The following PROCA1 variants were observed in gnomAD, a reference collection of about 807,000 sequenced individuals.
PROCA1 encodes the protein protein interacting with cyclin A1.
In PROCA1, 22 loss-of-function variants were observed where a neutral mutation model predicts 23.2. The observed-to-expected ratio is 0.95, with a 90% CI of 0.68 to 1.35. The LOEUF is 1.35. PROCA1 is among the 40% of genes most tolerant of loss of function. The probability of loss-of-function intolerance (pLI) is 0.00; values close to 1 mark genes in which losing one functional copy is unlikely to be tolerated. For missense variants in PROCA1, 469 were observed against 459.8 expected, an observed-to-expected ratio of 1.02 and a Z score of -0.18; for synonymous variants, 182 against 179.2, an observed-to-expected ratio of 1.02 and a Z score of -0.12.
At chr17:28,706,545 A>G in intron 2 of PROCA1, 135 bp downstream of exon 2, 3 of 458,276 alleles carry the variant, frequency 6.5e-6, no homozygotes, top group South Asian at 5.5e-5. Flanking sequence ...TCTGTAGGGG[A>G]TGGGTTGAGG....
intron 1 of PROCA1, chr17:28,710,784 G>GAA: frequency 2.2e-5 from 29 of 1,303,648 alleles, no homozygotes; most frequent in Non-Finnish European, 2.8e-5. Context: ...AATGAGGAGG[G>GAA]TGATAGGGTG....
chr17:28,704,524 G>A (rs2032345801), intron 3 of PROCA1, 89 bp from the exon 4 acceptor site: 2 of 1,552,256 alleles, frequency 1.3e-6, no homozygotes, highest in Non-Finnish European at 1.7e-6. Context: ...CTTCCGCTGG[G>A]CCTGCCTCAG....
At chr17:28,711,008 G>GGGAGGGAAGGAGTAGGGCGGGAAA in intron 1 of PROCA1, 1 of 1,214,372 alleles carries the variant, frequency 8.2e-7, no homozygotes, top group South Asian at 1.4e-5. Context: ...AGGGCGGGAA[G>GGGAGGGAAGGAGTAGGGCGGGAAA]GGAGGGAAGA....
chr17:28,710,965 G>C, intron 1 of PROCA1: 2 of 1,194,922 alleles, frequency 1.7e-6, no homozygotes, highest in Non-Finnish European at 2.2e-6. Context: ...CAGAGCAGCC[G>C]AAAGGAGTAG....
intron 2 of PROCA1, chr17:28,706,462 T>C (rs2032478527): frequency 3.9e-6 from 1 of 258,466 alleles, no homozygotes; most frequent in Admixed American, 4.2e-5. Flanking sequence ...ATGTCAAAGA[T>C]ACTTATGTGC....
chr17:28,703,960 C>G lies in PROCA1; in HGVS notation c.693G>C (p.Lys231Asn), dbSNP rs1156251672. 1 of 1,611,106 alleles carries G rather than the reference C, an allele frequency of 6.2e-7. No homozygotes were observed. Among genetic ancestry groups the G allele is most frequent in the African/African-American group, 1.3e-5 (1 of 74,938 alleles). Residue 231 changes from lysine (K) to asparagine (N), a missense_variant, in exon 5 of 5, where the codon AAG becomes AAC. Lys to Asn is a moderately conservative substitution (Grantham distance 94, BLOSUM62 0). Coordinates refer to ENST00000682792, the MANE Select transcript of PROCA1 (RefSeq NM_001366301.1). The part of the protein sequence containing the change: ...ESPTGKGQGS[K>N]VIKKVKKKKE... ...TTTTCTTCTTTACCTTCTTGATCACCTTGCTGCCCTGACCCTTCCCTGTGG... is the reference window on the plus strand; with the variant it reads ...TTTTCTTCTTTACCTTCTTGATCACGTTGCTGCCCTGACCCTTCCCTGTGG...
chr17:28,711,649 C>A lies in PROCA1; in HGVS notation c.12G>T (p.Arg4Ser). Residue 4 changes from arginine to serine, a missense_variant, in exon 1 of 5, where the codon AGG becomes AGT. Transcript: ENST00000682792. Reference sequence around the variant, plus strand: ...TCCATCTTTCAATTGTGAGCGTCGTCCTGACCCACATCGCTCTCCGCCCAG... The same window carrying A: ...TCCATCTTTCAATTGTGAGCGTCGTACTGACCCACATCGCTCTCCGCCCAG... MWVRTTLTIERWTK... is the reference protein window; with the variant it reads MWVSTTLTIERWTK... 2.5e-6 allele frequency: 4 copies of A among 1,612,628 alleles called. No homozygotes were observed. The highest frequency in any genetic ancestry group is 3.4e-6 in the Non-Finnish European group (4 of 1,179,542).
Position 28,704,781 on chromosome 17 carries a change from AGAT to A in PROCA1, c.235_237del (p.Ile79del), listed in dbSNP as rs768286799. 3.0e-5 allele frequency: 49 copies of A among 1,613,852 alleles called. No homozygotes were observed. The highest frequency in any genetic ancestry group is 5.3e-5 in the African/African-American group (4 of 74,926). On this transcript the variant is annotated inframe_deletion, in exon 3 of 5. Coordinates refer to ENST00000682792, the MANE Select transcript of PROCA1 (RefSeq NM_001366301.1). ...CGGACACAGTCAGAGGCGAAAGGGT[AGAT>A]GATGTGCCCAGTGCACTGCTTGTGT...
chr17:28,711,435 G>A (rs536165226), intron 1 of PROCA1, 135 bp downstream of exon 1: 44 of 676,148 alleles, frequency 6.5e-5, no homozygotes, highest in Non-Finnish European at 9.2e-5. Context: ...GCTCCGCCCC[G>A]GCCCAGCACT....
In PROCA1 at chr17:28,704,339, C is replaced by T. The variant is rs368831817; in HGVS notation, c.408G>A (p.Glu136=). ...IESPCFELTP[E]EEHVERFRYG... ...ACCGGAATCGCTCCACATGCTCCTC[C>T]TCCGGTGTGAGCTCAAAGCAAGGGG... Residue 136 remains glutamate, a synonymous_variant, in exon 4 of 5, where the codon GAG becomes GAA. Transcript: ENST00000682792. 22 of 1,614,102 alleles carry T rather than the reference C, an allele frequency of 1.4e-5. No homozygotes were observed. Among genetic ancestry groups the T allele is most frequent in the African/African-American group, 2.7e-5 (2 of 75,064 alleles).
At position 28,704,410 on chromosome 17, in the gene PROCA1, T is replaced by C. The variant is rs1295085753; in HGVS notation, c.337A>G (p.Ser113Gly). 6.2e-7 allele frequency: 1 copy of C among 1,613,596 alleles called. No individual in the cohort carries two copies. The highest frequency in any genetic ancestry group is 1.7e-5 in the Admixed American group (1 of 59,990). Residue 113 changes from serine to glycine, a missense_variant, in exon 4 of 5, where the codon AGC becomes GGC. Ser to Gly is a moderately conservative substitution (Grantham distance 56, BLOSUM62 0). Transcript: ENST00000682792. ...GTTGGGCCCGCGCCCCGGGAGCTGC[T>C]GCTATCCTCTGAAGAGTCCTTCAGC... ...SRLKDSSEDS[S>G]SSRGAGPTCS...
In PROCA1 at chr17:28,706,687, G is replaced by A. The variant is rs2032488613; in HGVS notation, c.168C>T (p.Phe56=). The part of the protein sequence containing the change: ...GVASSTDVST[F]SEGDCKEPDK... ...AAGGTCTCCTGGACCCACCTTCAGA[G>A]AAGGTAGACACATCAGTGCTGGACG... is the stretch of plus-strand genomic sequence containing the variant. The change falls in exon 2 of 5, where the codon TTC becomes TTT. Residue 56 remains phenylalanine, a synonymous_variant. Transcript: ENST00000682792. The A allele has an allele frequency of 1.5e-6, 2 of 1,303,662 alleles. No individual in the cohort carries two copies. The highest frequency in any genetic ancestry group is 2.0e-6 in the Non-Finnish European group (2 of 988,800). 80.8% of individuals were successfully genotyped at this position (1,303,662 alleles called of 1,614,324 possible).
intron 3 of PROCA1, 83 bp from the exon 4 acceptor site, chr17:28,704,518 C>T (rs776360737): frequency 4.0e-5 from 62 of 1,556,570 alleles, no homozygotes; most frequent in Middle Eastern, 2.2e-4. Context: ...AGTGGGCTTC[C>T]GCTGGGCCTG....
Position 28,711,627 on chromosome 17 carries a change from A to C in PROCA1, c.34T>G (p.Trp12Gly). Reference sequence around the variant, plus strand: ...TTGGGCTCGGTCTTTTCCTTAGTCCATCTTTCAATTGTGAGCGTCGTCCTG... The same window carrying C: ...TTGGGCTCGGTCTTTTCCTTAGTCCCTCTTTCAATTGTGAGCGTCGTCCTG... ...WVRTTLTIER[W>G]TKEKTEPKAR... Residue 12 changes from tryptophan (W) to glycine (G), a missense_variant, in exon 1 of 5, where the codon TGG becomes GGG. By Grantham distance (184) the Trp-to-Gly change is radical (BLOSUM62 -2). Transcript: ENST00000682792. 2 of 1,611,924 alleles carry C rather than the reference A, an allele frequency of 1.2e-6. No homozygotes were observed. Among genetic ancestry groups the C allele is most frequent in the Non-Finnish European group, 8.5e-7 (1 of 1,179,334 alleles).
At chr17:28,708,731 G>GAAAAAAAAAAAAA (rs557817689) in intron 1 of PROCA1, among the ~76,000 whole-genome samples, 4,628 of 98,734 alleles carry the variant, frequency 0.047, 78 homozygotes, top group East Asian at 0.067. Flanking sequence ...CCAGAAAAAG[G>GAAAAAAAAAAAAA]AAAAAAAAAA....
intron 1 of PROCA1, chr17:28,711,326 C>A (rs1318760698): frequency 3.6e-6 from 2 of 559,212 alleles, no homozygotes; most frequent in Non-Finnish European, 5.9e-6. Flanking sequence ...CCCGCCCATC[C>A]CGCGGGCGAC....
rs770826343 is a variant in PROCA1 at position 28,703,856 on chromosome 17, T to G, written c.797A>C (p.Lys266Thr). The G allele has an allele frequency of 1.9e-6, 3 of 1,614,082 alleles. No individual in the cohort carries two copies. The highest frequency in any genetic ancestry group is 2.7e-5 in the African/African-American group (2 of 74,930). ...KKKAKKGQLT[K>T]KKSPVKLEPS... is the part of the protein sequence containing the mutation. Reference sequence around the variant, plus strand: ...CTCCAATTTAACCGGGCTTTTCTTCTTAGTCAACTGGCCTTTCTTGGCTTT... The same window carrying G: ...CTCCAATTTAACCGGGCTTTTCTTCGTAGTCAACTGGCCTTTCTTGGCTTT... Residue 266 changes from lysine to threonine, a missense_variant, in exon 5 of 5, where the codon AAG becomes ACG. By Grantham distance (78) the Lys-to-Thr change is moderately conservative. Coordinates refer to ENST00000682792, the MANE Select transcript of PROCA1 (RefSeq NM_001366301.1).
chr17:28,703,435 C>T lies in PROCA1; in HGVS notation c.*123G>A, dbSNP rs2032221508. ...TGAAAGCTGGATTGCCTTTGAGAAA[C>T]CCCTGCAGCCCTGAGCCCACCCCTT... On this transcript the variant is annotated 3_prime_UTR_variant, in exon 5 of 5. Transcript: ENST00000682792. 1 of 1,031,714 alleles carries T rather than the reference C, an allele frequency of 9.7e-7. No individual in the cohort carries two copies. The highest frequency in any genetic ancestry group is 1.4e-6 in the Non-Finnish European group (1 of 705,800). The allele number at this position is 1,031,714 out of a possible 1,614,324, so 63.9% of individuals were successfully genotyped here.
chr17:28,707,039 C>T, intron 1 of PROCA1: 2 of 331,658 alleles, frequency 6.0e-6, no homozygotes, highest in Non-Finnish European at 1.2e-5. Flanking sequence ...AGGACAAGGG[C>T]CACCTACCAG....
Sources: allele counts gnomAD v4.1 joint callset (sites outside exome capture counted in the v4.1 genomes callset), GRCh38; gene constraint gnomAD v4.1.1; transcripts MANE v1.5; gene names NCBI Gene and HGNC (gene_info 2026-07-23, HGNC 2026-07-21).